RBFOX1: variants seen among roughly 807,000 people sequenced by gnomAD.
RBFOX1 encodes the protein RNA binding fox-1 homolog 1.
Under a neutral mutation model 57.7 loss-of-function variants are expected in RBFOX1, and 8 were observed. That is an observed-to-expected ratio of 0.14 (90% CI 0.08 to 0.25). RBFOX1 has a LOEUF of 0.25. RBFOX1 is among the 10% of genes least tolerant of loss of function. The pLI is 1.00. For missense variants in RBFOX1, 611 were observed against 548.5 expected, an observed-to-expected ratio of 1.11 and a Z score of -1.14; for synonymous variants, 326 against 222.4, an observed-to-expected ratio of 1.47 and a Z score of -4.15.
chr16:5,353,241 G>C (rs1164580761), intron 1 of RBFOX1, among the ~76,000 whole-genome samples: 2 of 152,056 alleles, frequency 1.3e-5, no homozygotes, highest in Non-Finnish European at 2.9e-5. Flanking sequence ...AGCCAGGTGT[G>C]GTGGCACATG....
intron 1 of RBFOX1, among the ~76,000 whole-genome samples, chr16:6,180,767 G>T (rs750324206): frequency 5.9e-5 from 9 of 151,758 alleles, no homozygotes; most frequent in Admixed American, 1.3e-4. Context: ...GGTTTCACCG[G>T]GTTGGCCAGG....
intron 3 of RBFOX1, among the ~76,000 whole-genome samples, chr16:6,877,825 C>G (rs1313383453): frequency 6.6e-6 from 1 of 152,138 alleles, no homozygotes; most frequent in Non-Finnish European, 1.5e-5. Context: ...AATAAGTCAT[C>G]TAACAGTCTT....
At chr16:7,221,217 C>T (rs544608989) in intron 4 of RBFOX1, among the ~76,000 whole-genome samples, 1 of 151,908 alleles carries the variant, frequency 6.6e-6, no homozygotes, top group Non-Finnish European at 1.5e-5. Flanking sequence ...TGTAAGTGTT[C>T]AAAAATAGTT....
chr16:5,241,867 G>A (rs2062175931), intron 1 of RBFOX1, among the ~76,000 whole-genome samples: 3 of 151,934 alleles, frequency 2.0e-5, no homozygotes, highest in African/African-American at 4.8e-5. Context: ...TTGAGAGGCC[G>A]AAGGGGGAGG....
chr16:7,549,984 C>T (rs1282261108), intron 5 of RBFOX1, among the ~76,000 whole-genome samples: 2 of 152,074 alleles, frequency 1.3e-5, no homozygotes, highest in East Asian at 1.9e-4. Flanking sequence ...GGCAGGAGTG[C>T]AGTGGTGTGA....
intron 4 of RBFOX1, chr16:7,126,717 A>G (rs1052822572): frequency 1.3e-5 from 2 of 151,860 alleles, no homozygotes; most frequent in Admixed American, 1.3e-4. Context: ...GTCTGGGTAC[A>G]TTGGCTCACG....
In RBFOX1 at chr16:5,497,740, C is replaced by T. The variant is rs2043051233; in HGVS notation, c.258+30486C>T. Among the ~76,000 whole-genome samples, 4 of 152,102 alleles carry T rather than the reference C, an allele frequency of 2.6e-5. No individual in the cohort carries two copies. In the South Asian group the frequency reaches 8.3e-4, roughly 32 times the overall value. Reference sequence around the variant, plus strand: ...GTCGCAGTGAGCTGAGCTGAGATTGCTCCACAGCACTCCAGCCTGGACAAC... The same window carrying T: ...GTCGCAGTGAGCTGAGCTGAGATTGTTCCACAGCACTCCAGCCTGGACAAC... On this transcript the variant is annotated intron_variant, in intron 2 of 2. Transcript: ENST00000585867.
intron 4 of RBFOX1, among the ~76,000 whole-genome samples, chr16:5,990,608 G>A (rs2060376350): frequency 6.6e-6 from 1 of 152,190 alleles, no homozygotes; most frequent in South Asian, 2.1e-4. Context: ...AGCTTTTTCA[G>A]AGAGAGGCCT....
At chr16:6,891,762 C>G (rs1327443965) in intron 3 of RBFOX1, among the ~76,000 whole-genome samples, 1 of 152,146 alleles carries the variant, frequency 6.6e-6, no homozygotes, top group African/African-American at 2.4e-5. Flanking sequence ...TGTCTTCAAT[C>G]CAATGTCTCA....
chr16:7,384,721 G>A (rs1183121079), intron 4 of RBFOX1, among the ~76,000 whole-genome samples: 2 of 152,198 alleles, frequency 1.3e-5, no homozygotes, highest in African/African-American at 4.8e-5. Context: ...AAATAGAGAT[G>A]TAAGTCAGGA....
chr16:6,694,327 C>G lies in RBFOX1; in HGVS notation c.-16+39677C>G, dbSNP rs573950397. 6.8e-4 allele frequency among the ~76,000 whole-genome samples: 103 copies of G among 152,270 alleles called. No homozygotes were observed. In the South Asian group the frequency reaches 8.3e-3, roughly 12 times the overall value. On this transcript the variant is annotated intron_variant, in intron 3 of 15. Coordinates refer to ENST00000550418, the MANE Select transcript of RBFOX1 (RefSeq NM_018723.4). Reference sequence around the variant, plus strand: ...CTTGACAAACAATTTAAGAGATTATCTGGCATTTGGAGTTGGCGGAGATTA... The same window carrying G: ...CTTGACAAACAATTTAAGAGATTATGTGGCATTTGGAGTTGGCGGAGATTA...
At chr16:7,321,287 G>A (rs1362318981) in intron 4 of RBFOX1, among the ~76,000 whole-genome samples, 2 of 152,036 alleles carry the variant, frequency 1.3e-5, no homozygotes, top group African/African-American at 4.8e-5. Context: ...TGGGATTACA[G>A]GTGTGTGCCA....
chr16:6,287,115 C>G (rs1273486514), intron 1 of RBFOX1, among the ~76,000 whole-genome samples: 1 of 152,058 alleles, frequency 6.6e-6, no homozygotes, highest in Non-Finnish European at 1.5e-5. Context: ...ACACCTCACC[C>G]AAGGGTATTC....
chr16:7,142,937 A>G (rs1394579316), intron 4 of RBFOX1, among the ~76,000 whole-genome samples: 1 of 148,270 alleles, frequency 6.7e-6, no homozygotes, highest in Non-Finnish European at 1.5e-5. Context: ...GTGAGAATCC[A>G]TTTCTACCTA....
intron 11 of RBFOX1, among the ~76,000 whole-genome samples, chr16:7,634,880 G>C (rs1286371252): frequency 6.6e-6 from 1 of 152,198 alleles, no homozygotes; most frequent in Non-Finnish European, 1.5e-5. Flanking sequence ...AAACTCTAGA[G>C]AATTAGGCAA....
intron 14 of RBFOX1, among the ~76,000 whole-genome samples, chr16:7,706,855 A>C (rs1020028775): frequency 6.6e-6 from 1 of 152,250 alleles, no homozygotes; most frequent in Non-Finnish European, 1.5e-5. Context: ...ACTTCTAGTT[A>C]AGTGGGTAAA....
At chr16:6,041,589 C>G (rs929510134) in intron 1 of RBFOX1, among the ~76,000 whole-genome samples, 16 of 152,094 alleles carry the variant, frequency 1.1e-4, no homozygotes, top group African/African-American at 3.9e-4. Flanking sequence ...AAGCCACATA[C>G]CTCATAAGTG....
chr16:5,459,341 G>A (rs1485476921), intron 1 of RBFOX1, among the ~76,000 whole-genome samples: 3 of 152,172 alleles, frequency 2.0e-5, no homozygotes, highest in African/African-American at 7.2e-5. Flanking sequence ...AGGCTTGACT[G>A]CATCCCATGC....
chr16:7,474,636 A>G (rs1292998292), intron 4 of RBFOX1, among the ~76,000 whole-genome samples: 2 of 152,232 alleles, frequency 1.3e-5, no homozygotes, highest in African/African-American at 2.4e-5. Context: ...GCCTGGCTCT[A>G]AAGTCGGACT....
Sources: gnomAD v4.1 joint callset for allele counts (sites outside exome capture counted in the v4.1 genomes callset) on GRCh38, gnomAD v4.1.1 for gene constraint, MANE v1.5 for transcripts, NCBI Gene and HGNC (gene_info 2026-07-23, HGNC 2026-07-21) for gene names.